Variants in GOLIM4 observed in about 807,000 individuals in gnomAD.
GOLIM4 encodes 130 kDa golgi-localized phosphoprotein.
Under a neutral mutation model 107.4 loss-of-function variants are expected in GOLIM4, and 71 were observed. That is an observed-to-expected ratio of 0.66 (90% CI 0.55 to 0.81). GOLIM4 has a LOEUF of 0.81. Ranked by LOEUF, GOLIM4 falls within the 30% of genes least tolerant of loss-of-function variation. GOLIM4 has a pLI of 0.00. For missense variants in GOLIM4, 830 were observed against 826.1 expected (o/e 1.00, Z -0.06); for synonymous variants, 327 against 294.8 (o/e 1.11, Z -1.12).
Position 168,024,925 on chromosome 3 carries a change from T to C in GOLIM4, c.1791+3A>G. ...TCCACCCTTCCTCGTGGCATCTGCT[T>C]ACCACCAAATGTTCCTCCACTTCTG... On this transcript the variant is annotated splice_donor_region_variant and intron_variant, in intron 13 of 15. Coordinates refer to ENST00000470487, the MANE Select transcript of GOLIM4 (RefSeq NM_014498.5). 6.2e-7 allele frequency: 1 copy of C among 1,612,544 alleles called. No individual in the cohort carries two copies. The highest frequency in any genetic ancestry group is 2.2e-5 in the East Asian group (1 of 44,862).
At chr3:168,059,049 C>T (rs941250610) in intron 1 of GOLIM4, among the ~76,000 whole-genome samples, 3 of 152,002 alleles carry the variant, frequency 2.0e-5, no homozygotes, top group Non-Finnish European at 2.9e-5. Flanking sequence ...TAAGAATGCC[C>T]TTAAGATGGA....
chr3:168,064,960 G>GA (rs550221140), intron 1 of GOLIM4, among the ~76,000 whole-genome samples: 71 of 143,438 alleles, frequency 4.9e-4, no homozygotes, highest in South Asian at 4.2e-3. Context: ...TCCCAGAAGG[G>GA]AAAAAAAAAA....
In GOLIM4 at chr3:168,029,235, C is replaced by T; in HGVS notation, c.1501G>A (p.Gly501Arg). The T allele has an allele frequency of 6.2e-7, 1 of 1,603,724 alleles. No homozygotes were observed. The highest frequency in any genetic ancestry group is 8.5e-7 in the Non-Finnish European group (1 of 1,171,456). The change falls in exon 11 of 16, where the codon GGA (glycine) becomes AGA (arginine). Residue 501 changes from glycine to arginine, a missense_variant. By Grantham distance (125) the Gly-to-Arg change is moderately radical. Transcript: ENST00000470487. Reference sequence around the variant, plus strand: ...GAAGTCTCACCACCTCCTTCCTCTCCTTGGATTCCCTGGTCCTCTGCTCCC... The same window carrying T: ...GAAGTCTCACCACCTCCTTCCTCTCTTTGGATTCCCTGGTCCTCTGCTCCC... ...VQGAEDQGIQ[G>R]EEGAYERDNQ...
intron 7 of GOLIM4, among the ~76,000 whole-genome samples, chr3:168,040,335 C>T (rs1196567307): frequency 6.6e-6 from 1 of 152,178 alleles, no homozygotes; most frequent in Non-Finnish European, 1.5e-5. Context: ...TGACCAACAA[C>T]ACATAAGCCT....
At chr3:168,057,052 C>T (rs1720012877) in intron 1 of GOLIM4, among the ~76,000 whole-genome samples, 4 of 152,206 alleles carry the variant, frequency 2.6e-5, no homozygotes, top group East Asian at 1.9e-4. Context: ...GGGGGGGACC[C>T]GGTGGGAGGT....
chr3:168,032,728 T>G lies in GOLIM4; in HGVS notation c.968A>C (p.Gln323Pro), dbSNP rs1480460497. ...CTCAGGTTCTCTGCGTTCCACTTCT[T>G]GTTGGATTGGCTCTGGGGGAGCCTG... ...EFQAPPEPIQQEVERREPEEH... is the reference protein window; with the variant it reads ...EFQAPPEPIQPEVERREPEEH... The change falls in exon 9 of 16, where the codon CAA (glutamine) becomes CCA (proline). Residue 323 changes from glutamine (Q) to proline (P), a missense_variant. Physicochemically the swap from Gln to Pro is moderately conservative, Grantham distance 76. Transcript: ENST00000470487. The G allele has an allele frequency of 1.2e-6, 2 of 1,614,108 alleles. No homozygotes were observed. The highest frequency in any genetic ancestry group is 1.7e-6 in the Non-Finnish European group (2 of 1,180,010).
Position 168,068,929 on chromosome 3 carries a change from C to T in GOLIM4, c.188-20564G>A, listed in dbSNP as rs112411533. Among the ~76,000 whole-genome samples the T allele has an allele frequency of 9.5e-4, 144 of 151,886 alleles. 2 individuals carry two copies. Among genetic ancestry groups the T allele is most frequent in the African/African-American group, 3.3e-3 (136 of 41,412 alleles). On this transcript the variant is annotated intron_variant, in intron 1 of 15. Coordinates refer to ENST00000470487, the MANE Select transcript of GOLIM4 (RefSeq NM_014498.5). Reference sequence around the variant, plus strand: ...TCGGCTCACCGCAACCTCTACCTGCCGGGTTCAAGCGATTCTCCTGCCTCA... The same window carrying T: ...TCGGCTCACCGCAACCTCTACCTGCTGGGTTCAAGCGATTCTCCTGCCTCA...
intron 1 of GOLIM4, among the ~76,000 whole-genome samples, chr3:168,063,274 A>G (rs568995038): frequency 4.6e-5 from 7 of 152,370 alleles, no homozygotes; most frequent in African/African-American, 7.2e-5. Context: ...CTAGACATCT[A>G]AAATCTGCTT....
At chr3:168,048,392 T>C (rs1212064672) in intron 1 of GOLIM4, 27 bp from the exon 2 acceptor site, 5 of 1,103,666 alleles carry the variant, frequency 4.5e-6, no homozygotes, top group Non-Finnish European at 6.7e-6. Context: ...CATTTTTGTC[T>C]TCAAAGAATT....
At chr3:168,055,669 G>A (rs893292585) in intron 1 of GOLIM4, among the ~76,000 whole-genome samples, 1 of 152,084 alleles carries the variant, frequency 6.6e-6, no homozygotes, top group Admixed American at 6.6e-5. Context: ...GGGCGTGATG[G>A]CAGGTACCTG....
At chr3:168,071,567 G>GA (rs1720832226) in intron 1 of GOLIM4, among the ~76,000 whole-genome samples, 1 of 151,090 alleles carries the variant, frequency 6.6e-6, no homozygotes, top group South Asian at 2.1e-4. Context: ...GAAAAGCAAG[G>GA]AAACATGGCA....
At chr3:168,016,335 CA>C (rs1233661057) in intron 14 of GOLIM4, among the ~76,000 whole-genome samples, 9 of 134,066 alleles carry the variant, frequency 6.7e-5, no homozygotes, top group Non-Finnish European at 1.3e-4. Context: ...ATCAAAACCA[CA>C]ATGAGATACC....
chr3:168,079,718 T>C (rs533387782), intron 1 of GOLIM4, among the ~76,000 whole-genome samples: 56 of 152,286 alleles, frequency 3.7e-4, no homozygotes, highest in African/African-American at 1.3e-3. Context: ...AAGGGAAAGA[T>C]TTCTTAGGTA....
chr3:168,083,584 A>G (rs1577576930), intron 1 of GOLIM4, among the ~76,000 whole-genome samples: 1 of 152,202 alleles, frequency 6.6e-6, no homozygotes, highest in Admixed American at 6.5e-5. Flanking sequence ...TATATTTCCA[A>G]TTTAATGGTA....
chr3:168,058,438 C>T (rs1720094516), intron 1 of GOLIM4, among the ~76,000 whole-genome samples: 1 of 152,178 alleles, frequency 6.6e-6, no homozygotes. Context: ...TAATCATTCT[C>T]ATTATCAGAT....
intron 7 of GOLIM4, among the ~76,000 whole-genome samples, chr3:168,037,982 G>T (rs1020581651): frequency 3.9e-5 from 6 of 152,192 alleles, no homozygotes; most frequent in Admixed American, 3.3e-4. Context: ...GGCGCAGCAG[G>T]TGAGTGGAGC....
chr3:168,029,882 A>G lies in GOLIM4; in HGVS notation c.1331T>C (p.Leu444Pro). Residue 444 changes from leucine (L) to proline (P), a missense_variant, in exon 10 of 16, where the codon CTA becomes CCA. Transcript: ENST00000470487. ...LHQQRLQGHLLRQQEQQQQQV... is the reference protein window; with the variant it reads ...LHQQRLQGHLPRQQEQQQQQV... ...CTGCTGCTGCTGTTCCTGCTGCCGT[A>G]GTAAGTGCCCCTGCAGCCTCTGCTG... The G allele has an allele frequency of 6.2e-7, 1 of 1,614,122 alleles. No individual in the cohort carries two copies. The highest frequency in any genetic ancestry group is 1.3e-5 in the African/African-American group (1 of 75,028).
intron 7 of GOLIM4, 47 bp from the exon 8 acceptor site, chr3:168,037,041 T>C: frequency 2.1e-6 from 3 of 1,401,386 alleles, no homozygotes; most frequent in Non-Finnish European, 2.0e-6. Flanking sequence ...TGAATGCCCA[T>C]TCATAGATGG....
At chr3:168,052,530 T>C (rs1445151567) in intron 1 of GOLIM4, among the ~76,000 whole-genome samples, 1 of 152,202 alleles carries the variant, frequency 6.6e-6, no homozygotes, top group Non-Finnish European at 1.5e-5. Context: ...ATTCCATATG[T>C]TATTTAAACC....
Sources: allele counts gnomAD v4.1 joint callset (sites outside exome capture counted in the v4.1 genomes callset), GRCh38; gene constraint gnomAD v4.1.1; transcripts MANE v1.5; gene names NCBI Gene and HGNC (gene_info 2026-07-23, HGNC 2026-07-21).